Variants in UNC80 observed in about 807,000 individuals in gnomAD.
The protein encoded by UNC80 is unc-80 subunit of NALCN channel complex, also known as protein unc-80 homolog.
Under a neutral mutation model 384.6 loss-of-function variants are expected in UNC80, and 164 were observed. The observed-to-expected ratio is 0.43, with a 90% CI of 0.38 to 0.49. UNC80 has a LOEUF of 0.49. Among genes scored for constraint, UNC80 ranks in the 20% least tolerant of loss-of-function variants. The pLI is 0.00. For missense variants in UNC80, 3,330 were observed against 4,143.0 expected (o/e 0.80, Z 5.39); for synonymous variants, 1,486 against 1,527.8 (o/e 0.97, Z 0.64).
intron 40 of UNC80, among the ~76,000 whole-genome samples, chr2:209,936,311 T>A (rs1280692009): frequency 6.6e-6 from 1 of 152,226 alleles, no homozygotes; most frequent in Non-Finnish European, 1.5e-5. Context: ...AAGACTTCTC[T>A]AGTCTCAGTT....
In UNC80 at chr2:209,978,667, C is replaced by T. The variant is rs1217680040; in HGVS notation, c.9077C>T (p.Ser3026Leu). The part of the protein sequence containing the change: ...EQDSEPSQQA[S>L]QDTLSRTDEE... ...GACAGTGAGCCATCCCAGCAGGCTT[C>T]GCAGGACACCCTGAGTCGGACTGAT... is the stretch of plus-strand genomic sequence containing the variant. The change falls in exon 59 of 65, where the codon TCG becomes TTG. Residue 3026 changes from serine (S) to leucine (L), a missense_variant. Ser to Leu is a moderately radical substitution (Grantham distance 145). Coordinates refer to ENST00000673920, the MANE Select transcript of UNC80 (RefSeq NM_001371986.1). 6 of 1,549,210 alleles carry T rather than the reference C, an allele frequency of 3.9e-6. No homozygotes were observed. Among genetic ancestry groups the T allele is most frequent in the African/African-American group, 2.7e-5 (2 of 73,114 alleles).
intron 7 of UNC80, among the ~76,000 whole-genome samples, chr2:209,812,791 C>T (rs1201443765): frequency 2.0e-5 from 3 of 151,952 alleles, no homozygotes; most frequent in African/African-American, 7.3e-5. Flanking sequence ...TTTGTTGAAC[C>T]TAAGATACAT....
chr2:209,801,495 G>T (rs2078551016), intron 7 of UNC80, among the ~76,000 whole-genome samples: 1 of 144,240 alleles, frequency 6.9e-6, no homozygotes, highest in Admixed American at 7.4e-5. Flanking sequence ...CGATTCTCCT[G>T]CCTCAGCCTC....
intron 34 of UNC80, 89 bp downstream of exon 34, chr2:209,921,775 G>T (rs1288618274): frequency 3.5e-5 from 47 of 1,328,730 alleles, no homozygotes; most frequent in Non-Finnish European, 4.7e-5. Flanking sequence ...TATGTGACAT[G>T]AGGTGATATG....
At chr2:209,855,125 A>G (rs2082805621) in intron 22 of UNC80, among the ~76,000 whole-genome samples, 1 of 152,256 alleles carries the variant, frequency 6.6e-6, no homozygotes, top group Admixed American at 6.5e-5. Flanking sequence ...ATAAAAAGGA[A>G]TGAGATCATG....
chr2:209,981,616 A>T (rs1447935556), intron 59 of UNC80, among the ~76,000 whole-genome samples: 1 of 152,030 alleles, frequency 6.6e-6, no homozygotes, highest in Non-Finnish European at 1.5e-5. Context: ...AACAAAAAAA[A>T]CTCTGCTTCT....
At chr2:209,943,587 T>G (rs1553609069) in intron 45 of UNC80, 73 bp downstream of exon 45, 2 of 1,516,984 alleles carry the variant, frequency 1.3e-6, no homozygotes, top group Non-Finnish European at 1.8e-6. Flanking sequence ...TATTAGAGCT[T>G]ACTATGGCAA....
At chr2:209,933,781 A>G (rs2091057057) in intron 38 of UNC80, 41 bp from the exon 39 acceptor site, 1 of 1,490,058 alleles carries the variant, frequency 6.7e-7, no homozygotes, top group Admixed American at 2.2e-5. Flanking sequence ...TGAGCTCGGG[A>G]TTATTGTAGC....
intron 51 of UNC80, among the ~76,000 whole-genome samples, chr2:209,967,146 C>T (rs2092762541): frequency 6.6e-6 from 1 of 152,148 alleles, no homozygotes; most frequent in Non-Finnish European, 1.5e-5. Flanking sequence ...ATGACATTCT[C>T]TAAATATATT....
In UNC80 at chr2:209,941,425, C is replaced by A; in HGVS notation, c.6851C>A (p.Ala2284Glu). 6.5e-7 allele frequency: 1 copy of A among 1,548,292 alleles called. No homozygotes were observed. The highest frequency in any genetic ancestry group is 8.7e-7 in the Non-Finnish European group (1 of 1,144,100). ...TATGCTGCCACCGTCATCAACACCG[C>A]GGTGCACTTCAACCACCTCTTCTCT... The part of the protein sequence containing the change: ...RQYAATVINT[A>E]VHFNHLFSLS... Residue 2284 changes from alanine to glutamate, a missense_variant, in exon 44 of 65, where the codon GCG becomes GAG. Around this residue, in one of 8 missense-constraint regions of UNC80, gnomAD observed 1,049 missense variants for 1,488.6 expected, o/e 0.70. Transcript: ENST00000673920.
intron 22 of UNC80, among the ~76,000 whole-genome samples, chr2:209,860,223 C>T (rs6729513): frequency 6.6e-6 from 1 of 151,826 alleles, no homozygotes; most frequent in Non-Finnish European, 1.5e-5. Context: ...GTAAGGAAGG[C>T]GTCCAGTTTC....
At chr2:209,987,680 T>A (rs558456445) in intron 61 of UNC80, among the ~76,000 whole-genome samples, 97 of 152,240 alleles carry the variant, frequency 6.4e-4, no homozygotes, top group African/African-American at 2.3e-3. Context: ...TAATTTTTTT[T>A]TAAAAAAAGA....
chr2:209,929,759 A>G (rs1157679683), intron 36 of UNC80, 112 bp from the exon 37 acceptor site: 1 of 734,584 alleles, frequency 1.4e-6, no homozygotes, highest in South Asian at 2.1e-5. Context: ...AAGAGTTCAC[A>G]GAGCCTTTTA....
chr2:209,892,877 T>C (rs2086475952), intron 26 of UNC80, among the ~76,000 whole-genome samples: 2 of 152,342 alleles, frequency 1.3e-5, no homozygotes, highest in South Asian at 2.1e-4. Context: ...GTGGGATTTG[T>C]CTAACTGTGC....
At chr2:209,831,382 C>CTCCT in intron 15 of UNC80, 61 bp from the exon 16 acceptor site, 1 of 1,498,930 alleles carries the variant, frequency 6.7e-7, no homozygotes, top group South Asian at 1.4e-5. Context: ...TACTGCCTTA[C>CTCCT]TCCTACCCAT....
chr2:209,780,211 A>G (rs945812576), intron 4 of UNC80, among the ~76,000 whole-genome samples: 1 of 152,242 alleles, frequency 6.6e-6, no homozygotes, highest in Non-Finnish European at 1.5e-5. Context: ...TAAGACCCTC[A>G]TGTTTAACTT....
intron 34 of UNC80, 128 bp from the exon 35 acceptor site, chr2:209,922,124 A>G: frequency 8.9e-7 from 1 of 1,125,048 alleles, no homozygotes; most frequent in East Asian, 2.6e-5. Context: ...TTCCTTTTCT[A>G]AGTACACTCA....
intron 30 of UNC80, among the ~76,000 whole-genome samples, chr2:209,913,186 A>G (rs2089148371): frequency 6.6e-6 from 1 of 152,210 alleles, no homozygotes; most frequent in African/African-American, 2.4e-5. Flanking sequence ...TTATTACAAC[A>G]TGAGCTCTAA....
intron 26 of UNC80, among the ~76,000 whole-genome samples, chr2:209,892,910 T>G (rs2086478539): frequency 6.6e-6 from 1 of 152,224 alleles, no homozygotes; most frequent in Non-Finnish European, 1.5e-5. Context: ...CATCCAGATG[T>G]GAAATTCTAC....
Sources: allele counts gnomAD v4.1 joint callset (sites outside exome capture counted in the v4.1 genomes callset), GRCh38; gene constraint gnomAD v4.1.1; regional missense constraint gnomAD v4.1.1; transcripts MANE v1.5; gene names NCBI Gene and HGNC (gene_info 2026-07-23, HGNC 2026-07-21).